Variants in COL18A1 observed in about 807,000 individuals in gnomAD.
The protein encoded by COL18A1 is collagen alpha-1(XVIII) chain.
In COL18A1, 133 loss-of-function variants were observed where a neutral mutation model predicts 168.0. That is an observed-to-expected ratio of 0.79 (90% CI 0.69 to 0.91). The LOEUF is 0.91. Ranked by LOEUF, COL18A1 falls within the 40% of genes least tolerant of loss-of-function variation. The pLI is 0.00. For missense variants in COL18A1, 2,126 were observed against 1,925.4 expected (o/e 1.10, Z -1.95); for synonymous variants, 949 against 809.0 (o/e 1.17, Z -2.94).
intron 15 of COL18A1, among the ~76,000 whole-genome samples, chr21:45,483,824 A>G (rs13049147): frequency 0.31 from 46,686 of 150,706 alleles, 7,323 homozygotes; most frequent in African/African-American, 0.38. Context: ...GCACTTGGAG[A>G]GGCTGAGAGG....
At chr21:45,475,641 C>A in intron 5 of COL18A1, 106 bp downstream of exon 5, 1 of 964,716 alleles carries the variant, frequency 1.0e-6, no homozygotes, top group South Asian at 1.4e-5. Context: ...CAAGAGCTCC[C>A]TCTATGCCAC....
intron 2 of COL18A1, among the ~76,000 whole-genome samples, chr21:45,431,301 G>T (rs1460130182): frequency 6.6e-6 from 1 of 152,172 alleles, no homozygotes. Context: ...CCTGCTGTGT[G>T]CAGGGCCAGT....
intron 2 of COL18A1, chr21:45,467,429 A>G: frequency 1.0e-6 from 1 of 985,354 alleles, no homozygotes; most frequent in Non-Finnish European, 1.2e-6. Flanking sequence ...CAGGTACGTC[A>G]GGCATGCAGC....
In COL18A1 at chr21:45,480,746, G is replaced by A. The variant is rs769858262; in HGVS notation, c.1499G>A (p.Gly500Asp). ...PGPPGPPGVP[G>D]LPGEPGRFGV... ...CCTCCCGGACCCCCCGGTGTCCCAG[G>A]CCTGCCCGGCGAGCCAGGCCGCTTT... The change falls in exon 13 of 42, where the codon GGC (glycine) becomes GAC (aspartate). Residue 500 changes from glycine (G) to aspartate (D), a missense_variant. Gly to Asp is a moderately conservative substitution (Grantham distance 94, BLOSUM62 -1). Transcript: ENST00000651438. 8.1e-6 allele frequency: 13 copies of A among 1,610,582 alleles called. No individual in the cohort carries two copies.
At chr21:45,487,085 G>C in intron 16 of COL18A1, 93 bp downstream of exon 16, 2 of 1,243,782 alleles carry the variant, frequency 1.6e-6, no homozygotes, top group South Asian at 1.6e-5. Context: ...AGAGCAGCAC[G>C]TCCTGGGCGG....
intron 2 of COL18A1, among the ~76,000 whole-genome samples, chr21:45,460,764 C>G (rs2035013673): frequency 6.6e-6 from 1 of 151,682 alleles, no homozygotes; most frequent in South Asian, 2.1e-4. Flanking sequence ...TGGCAACCTA[C>G]AAATATTTTT....
chr21:45,487,085 G>T lies in COL18A1; in HGVS notation c.1833+93G>T, dbSNP rs900751321. The stretch of plus-strand genomic sequence containing the variant: ...TGGCATCTCACTCACAGAGCAGCAC[G>T]TCCTGGGCGGTGGCCTTGCTGGCAC... On this transcript the variant is annotated intron_variant, in intron 16 of 41. Transcript: ENST00000651438. 2.3e-5 allele frequency: 29 copies of T among 1,243,782 alleles called. No homozygotes were observed. In the African/African-American group the frequency reaches 4.4e-4, roughly 19 times the overall value. The allele number at this position is 1,243,782 out of a possible 1,614,324, so 77.0% of individuals were successfully genotyped here. A position where few individuals can be genotyped will look rare whatever the true frequency, so the allele number is the denominator to read the frequency against.
Position 45,505,742 on chromosome 21 carries a change from C to T in COL18A1, c.3088-96C>T, listed in dbSNP as rs199742735. On this transcript the variant is annotated intron_variant, in intron 36 of 41. Coordinates refer to ENST00000651438, the MANE Select transcript of COL18A1 (RefSeq NM_001379500.1). ...TCCACACCTGTCCAAAGCCCTGCGG[C>T]CCCTGCCCAGCACCCTGAAACGGGC... 1.1e-4 allele frequency: 113 copies of T among 1,034,554 alleles called. No homozygotes were observed. In the East Asian group the frequency reaches 2.7e-3, roughly 25 times the overall value. 64.1% of individuals were successfully genotyped at this position (1,034,554 alleles called of 1,614,324 possible).
intron 39 of COL18A1, among the ~76,000 whole-genome samples, 176 bp from the exon 40 acceptor site, chr21:45,509,888 C>G (rs897209047): frequency 6.6e-5 from 10 of 152,206 alleles, no homozygotes; most frequent in African/African-American, 2.2e-4. Flanking sequence ...CTGCTCTGAC[C>G]TGGCAGCGTA....
At chr21:45,417,387 GTGCC>G (rs1464549976) in intron 2 of COL18A1, among the ~76,000 whole-genome samples, 2 of 152,182 alleles carry the variant, frequency 1.3e-5, no homozygotes, top group African/African-American at 4.8e-5. Context: ...GCCCCCGAAC[GTGCC>G]TGCCTGCTGT....
At chr21:45,479,173 T>C (rs202039552) in intron 9 of COL18A1, among the ~76,000 whole-genome samples, 1 of 102,342 alleles carries the variant, frequency 9.8e-6, no homozygotes, top group South Asian at 2.9e-4. Flanking sequence ...AATGTGTGAC[T>C]GCGCGTGTGT....
At chr21:45,486,702 A>G (rs1484478542) in intron 15 of COL18A1, among the ~76,000 whole-genome samples, 159 bp from the exon 16 acceptor site, 1 of 152,232 alleles carries the variant, frequency 6.6e-6, no homozygotes, top group Non-Finnish European at 1.5e-5. Context: ...GTAAAGTTAG[A>G]AGAAAGGCTG....
intron 15 of COL18A1, among the ~76,000 whole-genome samples, chr21:45,483,584 C>A (rs1390261565): frequency 6.6e-6 from 1 of 152,198 alleles, no homozygotes; most frequent in African/African-American, 2.4e-5. Context: ...TCTGTGCCGA[C>A]CCCACCACAG....
chr21:45,489,288 C>T (rs941024347), intron 18 of COL18A1, among the ~76,000 whole-genome samples, 198 bp from the exon 19 acceptor site: 2 of 152,178 alleles, frequency 1.3e-5, no homozygotes, highest in East Asian at 1.9e-4. Context: ...CCGTCCCGGC[C>T]GGGTGCCTTC....
chr21:45,431,851 G>T (rs1045217573), intron 2 of COL18A1, among the ~76,000 whole-genome samples: 1 of 152,176 alleles, frequency 6.6e-6, no homozygotes, highest in Non-Finnish European at 1.5e-5. Flanking sequence ...GGGGTACAGC[G>T]GGGGTACCAG....
intron 39 of COL18A1, 88 bp from the exon 40 acceptor site, chr21:45,509,976 A>G (rs1237579103): frequency 2.1e-6 from 3 of 1,442,894 alleles, no homozygotes; most frequent in Admixed American, 2.1e-5. Context: ...GCCTGTCCAC[A>G]CAGGTGCGGG....
Position 45,497,783 on chromosome 21 carries a change from C to T in COL18A1, c.2683+122C>T, listed in dbSNP as rs987058772. On this transcript the variant is annotated intron_variant, in intron 32 of 41. Coordinates refer to ENST00000651438, the MANE Select transcript of COL18A1 (RefSeq NM_001379500.1). ...CCCTCACTGGGTGGTGACCACCTCA[C>T]CCTGCGGGAGGAAGGAAGCCCCTTC... is the stretch of plus-strand genomic sequence containing the variant. 6.6e-6 allele frequency: 9 copies of T among 1,361,112 alleles called. No homozygotes were observed. In the Admixed American group the frequency reaches 1.6e-4, roughly 24 times the overall value. The allele number at this position is 1,361,112 out of a possible 1,614,324, so 84.3% of individuals were successfully genotyped here.
chr21:45,500,225 TGTG>T (rs1319204569), intron 32 of COL18A1, among the ~76,000 whole-genome samples: 8 of 115,534 alleles, frequency 6.9e-5, no homozygotes, highest in Non-Finnish European at 1.4e-4. Flanking sequence ...GGGTGTATAG[TGTG>T]GAGGTGTGAG....
At chr21:45,476,943 G>GTT (rs1174654077) in intron 6 of COL18A1, among the ~76,000 whole-genome samples, 2 of 151,980 alleles carry the variant, frequency 1.3e-5, no homozygotes, top group Non-Finnish European at 2.9e-5. Context: ...GTGTGTGTGT[G>GTT]TGTGTGTGGC....
Sources: gnomAD v4.1 joint callset for allele counts (sites outside exome capture counted in the v4.1 genomes callset) on GRCh38, gnomAD v4.1.1 for gene constraint, MANE v1.5 for transcripts, NCBI Gene and HGNC (gene_info 2026-07-23, HGNC 2026-07-21) for gene names.